The following MYO3A variants were observed in gnomAD, a reference collection of about 807,000 sequenced individuals.
The protein encoded by MYO3A is myosin IIIA.
A neutral mutation model predicts 192.7 loss-of-function variants in MYO3A; 180 were observed. The ratio of observed to expected loss-of-function variants is 0.93; its 90% CI spans 0.83 to 1.06. MYO3A has a LOEUF of 1.06. MYO3A is among the 50% of genes least tolerant of loss of function. The pLI is 0.00. For synonymous variants in MYO3A, 628 were observed against 645.3 expected (o/e 0.97, Z 0.41); for missense variants, 1,896 against 1,905.0 (o/e 1.00, Z 0.09).
intron 10 of MYO3A, among the ~76,000 whole-genome samples, chr10:26,057,684 C>A (rs571915314): frequency 6.6e-6 from 1 of 152,210 alleles, no homozygotes; most frequent in East Asian, 1.9e-4. Flanking sequence ...AGTTTTGTGA[C>A]CACAAATAAG....
At chr10:25,969,445 G>A (rs774002852) in intron 4 of MYO3A, among the ~76,000 whole-genome samples, 15 of 152,148 alleles carry the variant, frequency 9.9e-5, no homozygotes, top group South Asian at 2.1e-4. Flanking sequence ...CATATAATCC[G>A]TGGATAATGG....
chr10:26,180,358 C>T (rs1202891794), intron 31 of MYO3A, among the ~76,000 whole-genome samples: 1 of 152,138 alleles, frequency 6.6e-6, no homozygotes, highest in African/African-American at 2.4e-5. Context: ...GAAGGATATT[C>T]TTTAACAATA....
At chr10:26,168,900 T>G (rs149819402) in intron 28 of MYO3A, 26 bp downstream of exon 28, 1 of 1,592,292 alleles carries the variant, frequency 6.3e-7, no homozygotes, top group African/African-American at 1.3e-5. Flanking sequence ...TATTTAGATA[T>G]GGTCATAAAA....
chr10:26,058,364 A>G lies in MYO3A; in HGVS notation c.954-8611A>G, dbSNP rs1834250739. Among the ~76,000 whole-genome samples, 3 of 152,262 alleles carry G rather than the reference A, an allele frequency of 2.0e-5. No individual in the cohort carries two copies. The South Asian group carries it at 6.2e-4, about 32-fold the overall frequency. ...AAATACACTATTGTCTGAATGTACTAGAATGTATTTACCTATTTCTTCCTG... is the reference window on the plus strand; with the variant it reads ...AAATACACTATTGTCTGAATGTACTGGAATGTATTTACCTATTTCTTCCTG... On this transcript the variant is annotated intron_variant, in intron 10 of 34. Transcript: ENST00000642920.
At chr10:25,997,118 A>G in intron 5 of MYO3A, 41 bp from the exon 6 acceptor site, 1 of 1,508,168 alleles carries the variant, frequency 6.6e-7, no homozygotes, top group African/African-American at 1.4e-5. Flanking sequence ...TTATTGTTTG[A>G]TGCTTTTGTT....
In MYO3A at chr10:25,952,249, G is replaced by A. The variant is rs765993456; in HGVS notation, c.139G>A (p.Ala47Thr). ...ATTGAATAAGAAAAATGGCCAAAAA[G>A]CAGCAGTCAAAATTCTTGATCCAAT... ...KVLNKKNGQKAAVKILDPIHD... is the reference protein window; with the variant it reads ...KVLNKKNGQKTAVKILDPIHD... The change falls in exon 3 of 35, where the codon GCA becomes ACA. Residue 47 changes from alanine to threonine, a missense_variant. Ala to Thr is a moderately conservative substitution (Grantham distance 58). Transcript: ENST00000642920. 2 of 1,612,576 alleles carry A rather than the reference G, an allele frequency of 1.2e-6. No individual in the cohort carries two copies. The highest frequency in any genetic ancestry group is 2.2e-5 in the South Asian group (2 of 91,046).
chr10:26,095,845 C>G (rs569870369), intron 15 of MYO3A, among the ~76,000 whole-genome samples: 46 of 152,238 alleles, frequency 3.0e-4, no homozygotes, highest in African/African-American at 1.1e-3. Context: ...TGGTTAAAGG[C>G]GTGGGCTTTG....
chr10:26,049,967 C>T (rs930621332), intron 10 of MYO3A, among the ~76,000 whole-genome samples: 7 of 152,184 alleles, frequency 4.6e-5, no homozygotes, highest in Admixed American at 3.3e-4. Context: ...AGCCACCGCA[C>T]GCAGCTGAAA....
chr10:26,205,148 G>C (rs548034342), intron 34 of MYO3A, among the ~76,000 whole-genome samples: 36 of 152,242 alleles, frequency 2.4e-4, no homozygotes, highest in African/African-American at 7.7e-4. Flanking sequence ...GACAAAACGT[G>C]TATAAACTTG....
intron 25 of MYO3A, among the ~76,000 whole-genome samples, chr10:26,156,064 TGCAGGAAG>T (rs747260712): frequency 3.9e-5 from 6 of 152,200 alleles, no homozygotes; most frequent in Non-Finnish European, 7.4e-5. Flanking sequence ...GCGCCTAAAT[TGCAGGAAG>T]GTCCTGCTTA....
intron 10 of MYO3A, among the ~76,000 whole-genome samples, chr10:26,050,486 T>C (rs1843924890): frequency 6.6e-6 from 1 of 152,224 alleles, no homozygotes; most frequent in African/African-American, 2.4e-5. Context: ...ACTCCATCTT[T>C]GCAACAAAAT....
intron 20 of MYO3A, among the ~76,000 whole-genome samples, chr10:26,135,584 C>T (rs148582007): frequency 3.6e-4 from 54 of 152,004 alleles, no homozygotes; most frequent in African/African-American, 1.3e-3. Flanking sequence ...GAAGGTGGAA[C>T]AACTGAAAAG....
At chr10:26,176,931 C>T in intron 31 of MYO3A, 86 bp downstream of exon 31, 1 of 1,468,988 alleles carries the variant, frequency 6.8e-7, no homozygotes. Flanking sequence ...TATTCTATGG[C>T]AGATTTGAGG....
chr10:25,996,402 CTT>C, intron 4 of MYO3A, 86 bp from the exon 5 acceptor site: 2 of 1,071,654 alleles, frequency 1.9e-6, no homozygotes, highest in East Asian at 2.4e-5. Context: ...CATTGGAACA[CTT>C]TTAAAAATGT....
At chr10:26,004,556 C>G (rs1841061305) in intron 6 of MYO3A, among the ~76,000 whole-genome samples, 1 of 152,050 alleles carries the variant, frequency 6.6e-6, no homozygotes, top group Non-Finnish European at 1.5e-5. Context: ...TAGCACCTAG[C>G]TTTTGGTTTT....
At chr10:26,012,024 A>G (rs1375142380) in intron 6 of MYO3A, among the ~76,000 whole-genome samples, 1 of 152,234 alleles carries the variant, frequency 6.6e-6, no homozygotes, top group African/African-American at 2.4e-5. Context: ...ATAGATGCAG[A>G]AAAAGCATTT....
chr10:25,994,338 C>T (rs1840275266), intron 4 of MYO3A, among the ~76,000 whole-genome samples: 1 of 152,090 alleles, frequency 6.6e-6, no homozygotes, highest in African/African-American at 2.4e-5. Flanking sequence ...ATTGCAACCC[C>T]TGCATTTTTT....
At chr10:26,097,526 TC>T (rs1837121516) in intron 17 of MYO3A, among the ~76,000 whole-genome samples, 1 of 152,090 alleles carries the variant, frequency 6.6e-6, no homozygotes, top group Non-Finnish European at 1.5e-5. Flanking sequence ...CCTAATGCTA[TC>T]CCTCCCCCCT....
intron 17 of MYO3A, among the ~76,000 whole-genome samples, chr10:26,096,885 T>C (rs1005833446): frequency 6.6e-6 from 1 of 151,522 alleles, no homozygotes; most frequent in African/African-American, 2.4e-5. Context: ...TTTCATTTTG[T>C]TCTTAACCTT....
Sources: allele counts gnomAD v4.1 joint callset (sites outside exome capture counted in the v4.1 genomes callset), GRCh38; gene constraint gnomAD v4.1.1; transcripts MANE v1.5; gene names NCBI Gene and HGNC (gene_info 2026-07-23, HGNC 2026-07-21).